The following TSC22D1 variants were observed in gnomAD, a reference collection of about 807,000 sequenced individuals.
TSC22D1 encodes the protein TSC22 domain family protein 1.
Under a neutral mutation model 74.2 loss-of-function variants are expected in TSC22D1, and 9 were observed. The ratio of observed to expected loss-of-function variants is 0.12; its 90% CI spans 0.07 to 0.21. TSC22D1 has a LOEUF of 0.21. TSC22D1 is among the 10% of genes least tolerant of loss of function. The pLI is 1.00. For synonymous variants in TSC22D1, 586 were observed against 492.5 expected (o/e 1.19, Z -2.51); for missense variants, 1,427 against 1,304.7 (o/e 1.09, Z -1.44).
intron 1 of TSC22D1, among the ~76,000 whole-genome samples, chr13:44,483,667 CAA>C (rs36015133): frequency 3.3e-4 from 21 of 64,078 alleles, no homozygotes; most frequent in East Asian, 5.1e-4. Context: ...GACTCCGTCT[CAA>C]AAAAAAAAAA....
intron 1 of TSC22D1, among the ~76,000 whole-genome samples, chr13:44,439,629 A>G (rs982761308): frequency 2.0e-5 from 3 of 152,234 alleles, no homozygotes. Flanking sequence ...GGACCATATA[A>G]GTCTATTTCA....
chr13:44,530,331 T>C (rs775923254), intron 1 of TSC22D1, among the ~76,000 whole-genome samples: 1 of 152,146 alleles, frequency 6.6e-6, no homozygotes, highest in Non-Finnish European at 1.5e-5. Context: ...CTGGAACAAC[T>C]GGACATCATA....
At chr13:44,472,058 G>A (rs1877635771) in intron 1 of TSC22D1, among the ~76,000 whole-genome samples, 1 of 152,196 alleles carries the variant, frequency 6.6e-6, no homozygotes, top group African/African-American at 2.4e-5. Context: ...CAAAGTGCAA[G>A]AGTAGTAATG....
intron 1 of TSC22D1, among the ~76,000 whole-genome samples, chr13:44,533,092 C>T (rs1300273549): frequency 6.6e-6 from 1 of 150,782 alleles, no homozygotes; most frequent in Non-Finnish European, 1.5e-5. Flanking sequence ...AATAAGGGTG[C>T]TAAACTAGAG....
intron 1 of TSC22D1, among the ~76,000 whole-genome samples, chr13:44,558,337 T>C (rs916658267): frequency 1.3e-5 from 2 of 152,166 alleles, no homozygotes; most frequent in Non-Finnish European, 2.9e-5. Flanking sequence ...GTAAAAAAAA[T>C]TTTTGAATCA....
At position 44,433,255 on chromosome 13, in the gene TSC22D1, A is replaced by AC. The variant is rs1874204806; in HGVS notation, c.*1370dup. Reference sequence around the variant, plus strand: ...GAATGTAAGAGATCATCTCTTTCAAACCCCTACATCCGTCCAGGAGTGAAG... The same window carrying AC: ...GAATGTAAGAGATCATCTCTTTCAAACCCCCTACATCCGTCCAGGAGTGAAG... On this transcript the variant is annotated 3_prime_UTR_variant, in exon 3 of 3. Transcript: ENST00000458659. 2.6e-5 allele frequency: 4 copies of AC among 152,350 alleles called. No individual in the cohort carries two copies. The South Asian group carries it at 8.3e-4, about 32-fold the overall frequency. 9.4% of individuals were successfully genotyped at this position (152,350 alleles called of 1,614,324 possible).
intron 1 of TSC22D1, among the ~76,000 whole-genome samples, chr13:44,461,237 T>A (rs545668607): frequency 3.9e-4 from 59 of 152,360 alleles, no homozygotes; most frequent in Admixed American, 2.4e-3. Context: ...ACTCTCATAC[T>A]GCTAGTAAGT....
At chr13:44,492,672 T>A (rs1878781992) in intron 1 of TSC22D1, among the ~76,000 whole-genome samples, 1 of 152,152 alleles carries the variant, frequency 6.6e-6, no homozygotes, top group Non-Finnish European at 1.5e-5. Flanking sequence ...ATCACTCTAG[T>A]ACTTATCTCT....
chr13:44,445,246 CACACACAG>C (rs535305642), intron 1 of TSC22D1, among the ~76,000 whole-genome samples: 153 of 147,792 alleles, frequency 1.0e-3, no homozygotes, highest in African/African-American at 3.6e-3. Flanking sequence ...CACACACACA[CACACACAG>C]AGCAAATCGA....
intron 1 of TSC22D1, among the ~76,000 whole-genome samples, chr13:44,442,511 G>A (rs1459030602): frequency 6.6e-6 from 1 of 152,072 alleles, no homozygotes; most frequent in Non-Finnish European, 1.5e-5. Flanking sequence ...TATTTGAGAA[G>A]AAAAATACAC....
chr13:44,521,654 A>C (rs533116719), intron 1 of TSC22D1, among the ~76,000 whole-genome samples: 42 of 151,954 alleles, frequency 2.8e-4, no homozygotes, highest in African/African-American at 9.7e-4. Flanking sequence ...GGGAAAAAAA[A>C]CCTACTGAAT....
chr13:44,458,162 A>T (rs185024451), intron 1 of TSC22D1, among the ~76,000 whole-genome samples: 163 of 152,306 alleles, frequency 1.1e-3, no homozygotes, highest in African/African-American at 3.5e-3. Context: ...AAAAATTCTT[A>T]ATGTTCTCTT....
intron 1 of TSC22D1, among the ~76,000 whole-genome samples, chr13:44,531,888 C>T (rs747254987): frequency 1.3e-5 from 2 of 152,206 alleles, no homozygotes; most frequent in Non-Finnish European, 2.9e-5. Flanking sequence ...ACTTTCAGGA[C>T]TACTTCTTCA....
At chr13:44,448,802 G>A (rs774004592) in intron 1 of TSC22D1, among the ~76,000 whole-genome samples, 5 of 152,072 alleles carry the variant, frequency 3.3e-5, no homozygotes, top group African/African-American at 7.2e-5. Context: ...TTTGTCCAGG[G>A]TCTACCTCAT....
chr13:44,510,723 G>A (rs1196889889), intron 1 of TSC22D1, among the ~76,000 whole-genome samples: 2 of 152,068 alleles, frequency 1.3e-5, no homozygotes, highest in African/African-American at 4.8e-5. Context: ...CTCCTGAGTA[G>A]CTGGAACTAC....
At chr13:44,517,856 T>TATATATATA (rs1880117637) in intron 1 of TSC22D1, among the ~76,000 whole-genome samples, 1 of 45,550 alleles carries the variant, frequency 2.2e-5, no homozygotes, top group East Asian at 3.7e-4. Flanking sequence ...TATATATATA[T>TATATATATA]ATTTTTTTTT....
chr13:44,436,020 A>C, intron 2 of TSC22D1, 24 bp downstream of exon 2: 2 of 1,609,466 alleles, frequency 1.2e-6, no homozygotes, highest in Non-Finnish European at 8.5e-7. Flanking sequence ...CATTTAGTAT[A>C]AATGATTTTT....
intron 1 of TSC22D1, among the ~76,000 whole-genome samples, chr13:44,446,068 T>G (rs549259084): frequency 4.4e-4 from 67 of 152,268 alleles, no homozygotes; most frequent in South Asian, 2.1e-4. Flanking sequence ...CCACAAAAAT[T>G]TGGACATGAA....
In TSC22D1 at chr13:44,473,474, G is replaced by A. The variant is rs187796400; in HGVS notation, c.2913-37379C>T. Among the ~76,000 whole-genome samples the A allele has an allele frequency of 2.8e-3, 420 of 152,096 alleles. 2 individuals are homozygous for A. Among genetic ancestry groups the A allele is most frequent in the African/African-American group, 8.7e-3 (363 of 41,492 alleles). On this transcript the variant is annotated intron_variant, in intron 1 of 2. Coordinates refer to ENST00000458659, the MANE Select transcript of TSC22D1 (RefSeq NM_183422.4). ...CATGCCACTGGACTCCAGCCTGGGC[G>A]ACAGAGCAAGACCCCTGACTCTAAA...
Sources: gnomAD v4.1 joint callset for allele counts (sites outside exome capture counted in the v4.1 genomes callset) on GRCh38, gnomAD v4.1.1 for gene constraint, MANE v1.5 for transcripts, NCBI Gene and HGNC (gene_info 2026-07-23, HGNC 2026-07-21) for gene names.